The following NLGN1 variants were observed in gnomAD, a reference collection of about 807,000 sequenced individuals.
NLGN1 encodes the protein neuroligin 1.
In NLGN1, 12 loss-of-function variants were observed where a neutral mutation model predicts 65.5. The ratio of observed to expected loss-of-function variants is 0.18; its 90% CI spans 0.12 to 0.30. NLGN1 has a LOEUF of 0.30. Ranked by LOEUF, NLGN1 falls within the 10% of genes least tolerant of loss-of-function variation. The pLI, the probability that NLGN1 is intolerant of heterozygous loss-of-function variation, is 1.00. For synonymous variants in NLGN1, 350 were observed against 359.5 expected (o/e 0.97, Z 0.30); for missense variants, 750 against 1,007.1 (o/e 0.74, Z 3.46).
At chr3:173,757,291 T>C (rs1327712923) in intron 3 of NLGN1, among the ~76,000 whole-genome samples, 1 of 152,034 alleles carries the variant, frequency 6.6e-6, no homozygotes, top group Non-Finnish European at 1.5e-5. Context: ...CTCAGCATTA[T>C]GTGACATACT....
intron 4 of NLGN1, among the ~76,000 whole-genome samples, chr3:174,117,345 G>A (rs548364159): frequency 2.0e-5 from 3 of 152,074 alleles, no homozygotes; most frequent in South Asian, 4.2e-4. Flanking sequence ...GGCCGGGCGC[G>A]GTAGCTCACG....
At chr3:174,018,670 C>G (rs1727114403) in intron 4 of NLGN1, among the ~76,000 whole-genome samples, 2 of 152,274 alleles carry the variant, frequency 1.3e-5, no homozygotes, top group South Asian at 4.1e-4. Flanking sequence ...CTTTAGAAGA[C>G]ATCATACACA....
chr3:173,654,499 A>T, intron 3 of NLGN1, among the ~76,000 whole-genome samples: 1 of 152,150 alleles, frequency 6.6e-6, no homozygotes, highest in East Asian at 1.9e-4. Flanking sequence ...GGTCCCTATT[A>T]TAAGTAAATA....
chr3:174,005,873 T>A (rs900303191), intron 4 of NLGN1, among the ~76,000 whole-genome samples: 5 of 152,180 alleles, frequency 3.3e-5, no homozygotes, highest in Admixed American at 1.3e-4. Flanking sequence ...ATGGGGATTA[T>A]ATCTACCTCA....
rs1027619215 is a variant in NLGN1, at chr3:174,162,970, T to C, written c.647-112345T>C. Among the ~76,000 whole-genome samples, 4 of 151,938 alleles carry C rather than the reference T, an allele frequency of 2.6e-5. No homozygotes were observed. In the South Asian group the frequency reaches 8.3e-4, roughly 32 times the overall value. ...TTTGTACACAGCCAGATTTAAAGCC[T>C]AGAGACTTAGACTCACATCTTTAGC... On this transcript the variant is annotated intron_variant, in intron 4 of 6. Transcript: ENST00000457714.
chr3:173,876,080 TAA>T (rs1732057599), intron 4 of NLGN1, among the ~76,000 whole-genome samples: 3 of 152,232 alleles, frequency 2.0e-5, no homozygotes, highest in South Asian at 2.1e-4. Context: ...GCAGTAGTGA[TAA>T]AGAGTTGAAA....
At chr3:173,885,436 A>G (rs1455190522) in intron 4 of NLGN1, among the ~76,000 whole-genome samples, 1 of 152,130 alleles carries the variant, frequency 6.6e-6, no homozygotes, top group Non-Finnish European at 1.5e-5. Context: ...TTTCACTACT[A>G]TATTAAAGTG....
At chr3:173,887,998 C>A (rs1463744074) in intron 4 of NLGN1, among the ~76,000 whole-genome samples, 1 of 151,888 alleles carries the variant, frequency 6.6e-6, no homozygotes, top group African/African-American at 2.4e-5. Flanking sequence ...TATCCCATTC[C>A]TTAAAATAAG....
intron 2 of NLGN1, among the ~76,000 whole-genome samples, chr3:173,486,421 G>A (rs556361216): frequency 2.6e-5 from 4 of 152,102 alleles, no homozygotes; most frequent in Non-Finnish European, 5.9e-5. Flanking sequence ...TCACTAGACT[G>A]TCAGAGGAGT....
At chr3:173,606,699 GT>G (rs1318391304) in intron 3 of NLGN1, among the ~76,000 whole-genome samples, 1 of 151,806 alleles carries the variant, frequency 6.6e-6, no homozygotes, top group Admixed American at 6.6e-5. Flanking sequence ...TAAATTGAGG[GT>G]TTTTTTGTTT....
intron 3 of NLGN1, among the ~76,000 whole-genome samples, chr3:173,654,616 T>C (rs1379202110): frequency 1.3e-5 from 2 of 152,158 alleles, no homozygotes; most frequent in South Asian, 2.1e-4. Context: ...CTTCTTGTGA[T>C]TGATATATAT....
At chr3:173,717,015 C>T (rs1769972111) in intron 3 of NLGN1, among the ~76,000 whole-genome samples, 1 of 152,186 alleles carries the variant, frequency 6.6e-6, no homozygotes, top group Non-Finnish European at 1.5e-5. Flanking sequence ...GCAGTCATTA[C>T]AAGTTACTTT....
intron 3 of NLGN1, among the ~76,000 whole-genome samples, chr3:173,773,050 C>T (rs1188418283): frequency 6.6e-6 from 1 of 152,148 alleles, no homozygotes; most frequent in Non-Finnish European, 1.5e-5. Context: ...CAGACATATT[C>T]ACTTTTGGTT....
At chr3:174,139,652 T>C (rs1429463367) in intron 4 of NLGN1, among the ~76,000 whole-genome samples, 1 of 152,094 alleles carries the variant, frequency 6.6e-6, no homozygotes, top group Non-Finnish European at 1.5e-5. Context: ...CTGGATTGTA[T>C]GGTAAGAGTA....
At chr3:174,076,748 T>A (rs1741082576) in intron 4 of NLGN1, among the ~76,000 whole-genome samples, 1 of 151,744 alleles carries the variant, frequency 6.6e-6, no homozygotes, top group East Asian at 1.9e-4. Context: ...TGTGTGTGTG[T>A]GTGTGTGTGT....
At chr3:174,047,686 C>A (rs1733925310) in intron 4 of NLGN1, among the ~76,000 whole-genome samples, 1 of 151,604 alleles carries the variant, frequency 6.6e-6, no homozygotes, top group African/African-American at 2.4e-5. Flanking sequence ...TAAAAAACAG[C>A]CAGAAAAGAC....
At chr3:173,416,055 T>C (rs1240326806) in intron 1 of NLGN1, among the ~76,000 whole-genome samples, 1 of 152,144 alleles carries the variant, frequency 6.6e-6, no homozygotes, top group African/African-American at 2.4e-5. Flanking sequence ...TTGGAAATGA[T>C]AGATTCATGA....
At chr3:173,792,405 CTGAAGACAGCATTT>C (rs1422920695) in intron 3 of NLGN1, among the ~76,000 whole-genome samples, 4 of 152,078 alleles carry the variant, frequency 2.6e-5, no homozygotes, top group African/African-American at 9.7e-5. Context: ...CATTCATATC[CTGAAGACAGCATTT>C]TGGGCCAAAA....
chr3:173,869,674 GA>G (rs748344937), intron 4 of NLGN1, among the ~76,000 whole-genome samples: 3 of 152,088 alleles, frequency 2.0e-5, no homozygotes, highest in Non-Finnish European at 4.4e-5. Flanking sequence ...TCTTGGTGTA[GA>G]AAAAGAAATT....
Sources: allele counts gnomAD v4.1 joint callset (sites outside exome capture counted in the v4.1 genomes callset), GRCh38; gene constraint gnomAD v4.1.1; transcripts MANE v1.5; gene names NCBI Gene and HGNC (gene_info 2026-07-23, HGNC 2026-07-21).